The following CPEB3 variants were observed in gnomAD, a reference collection of about 807,000 sequenced individuals.
CPEB3 encodes cytoplasmic polyadenylation element binding protein 3, also known as cytoplasmic polyadenylation element-binding protein 3.
A neutral mutation model predicts 67.2 loss-of-function variants in CPEB3; 20 were observed. The ratio of observed to expected loss-of-function variants is 0.30; its 90% confidence interval spans 0.21 to 0.43. The LOEUF (loss-of-function observed/expected upper bound fraction) is 0.43. CPEB3 is among the 20% of genes least tolerant of loss of function. The pLI is 1.00. For missense variants in CPEB3, 746 were observed against 968.6 expected (o/e 0.77, Z 3.05); for synonymous variants, 376 against 393.1 (o/e 0.96, Z 0.51).
chr10:92,185,369 G>C (rs769947550), intron 3 of CPEB3, among the ~76,000 whole-genome samples: 9 of 152,142 alleles, frequency 5.9e-5, no homozygotes, highest in South Asian at 2.1e-4. Flanking sequence ...ATAGGGGTGA[G>C]AGGGGATGAA....
Position 92,266,020 on chromosome 10 carries a change from G to C in CPEB3, c.-12+24906C>G, listed in dbSNP as rs1456188141. 2.0e-5 allele frequency among the ~76,000 whole-genome samples: 3 copies of C among 152,030 alleles called. No individual in the cohort carries two copies. The East Asian group carries it at 5.8e-4, about 29-fold the overall frequency. ...GGTGGGACTGTTAGCTTTACAAGAA[G>C]AGGAAGAGAAACCTGAGCTTAGTGC... On this transcript the variant is annotated intron_variant, in intron 1 of 9. Transcript: ENST00000265997.
intron 9 of CPEB3, 21 bp downstream of exon 9, chr10:92,081,299 T>A (rs1843144034): frequency 1.2e-6 from 2 of 1,613,938 alleles, no homozygotes; most frequent in Admixed American, 1.7e-5. Context: ...CATAGCAGTT[T>A]CACCCTAAGT....
At chr10:92,135,297 A>T (rs1480588933) in intron 6 of CPEB3, among the ~76,000 whole-genome samples, 6 of 152,182 alleles carry the variant, frequency 3.9e-5, no homozygotes, top group Admixed American at 3.9e-4. Flanking sequence ...GAATCTACAA[A>T]GAACTTAAAC....
At chr10:92,096,341 G>C (rs528636369) in intron 7 of CPEB3, among the ~76,000 whole-genome samples, 2 of 152,218 alleles carry the variant, frequency 1.3e-5, no homozygotes, top group South Asian at 2.1e-4. Context: ...TTTTATGTAA[G>C]GGACTTGAGC....
At chr10:92,075,819 G>C (rs774371053) in intron 9 of CPEB3, among the ~76,000 whole-genome samples, 8 of 152,142 alleles carry the variant, frequency 5.3e-5, no homozygotes, top group Non-Finnish European at 8.8e-5. Flanking sequence ...CTTCGCCAAA[G>C]ATCAACAACA....
chr10:92,239,339 GTAT>G lies in CPEB3; in HGVS notation c.1005+4_1005+6del, dbSNP rs1851695307. The stretch of plus-strand genomic sequence containing the variant: ...GGAAGGAGTGTGTAGGTGCAGCAGA[GTAT>G]TACCTGAAATGGCAACAGATTGTTA... On this transcript the variant is annotated splice_donor_5th_base_variant and intron_variant, in intron 2 of 9. Transcript: ENST00000265997. This position sits in a 1 kb window ranked among gnomAD's most constrained non-coding sequence, Gnocchi z 6.0. 6.2e-7 allele frequency: 1 copy of G among 1,601,974 alleles called. No homozygotes were observed. The highest frequency in any genetic ancestry group is 2.2e-5 in the East Asian group (1 of 44,652).
intron 2 of CPEB3, among the ~76,000 whole-genome samples, chr10:92,224,845 C>A (rs1850883097): frequency 6.8e-6 from 1 of 146,428 alleles, no homozygotes; most frequent in Non-Finnish European, 1.5e-5. Flanking sequence ...GACCACCTGA[C>A]TTCTTAAAAA....
chr10:92,076,238 G>T (rs1842928233), intron 9 of CPEB3: 1 of 152,126 alleles, frequency 6.6e-6, no homozygotes, highest in African/African-American at 2.4e-5. Flanking sequence ...AATAGTCAAG[G>T]TATTGGTTTA....
At chr10:92,052,680 C>T (rs1399862581) in intron 9 of CPEB3, among the ~76,000 whole-genome samples, 2 of 152,208 alleles carry the variant, frequency 1.3e-5, no homozygotes, top group African/African-American at 4.8e-5. Context: ...ATCACTGTAT[C>T]TGTAAAATGG....
intron 7 of CPEB3, among the ~76,000 whole-genome samples, chr10:92,110,719 T>C (rs1249942293): frequency 6.6e-6 from 1 of 152,196 alleles, no homozygotes; most frequent in Admixed American, 6.5e-5. Context: ...ATGACCTTTT[T>C]CAAAAATAAA....
intron 2 of CPEB3, among the ~76,000 whole-genome samples, chr10:92,199,029 T>G (rs1288535834): frequency 1.3e-5 from 2 of 152,248 alleles, no homozygotes; most frequent in Non-Finnish European, 2.9e-5. Context: ...AAGAGTTTTC[T>G]ATTTATCACA....
intron 6 of CPEB3, among the ~76,000 whole-genome samples, chr10:92,130,634 G>A (rs895129912): frequency 2.7e-5 from 4 of 148,766 alleles, no homozygotes; most frequent in African/African-American, 9.9e-5. Flanking sequence ...CTGGCCACCT[G>A]GCCATTCTTT....
At chr10:92,063,722 C>A (rs1037085195) in intron 9 of CPEB3, among the ~76,000 whole-genome samples, 2 of 151,840 alleles carry the variant, frequency 1.3e-5, no homozygotes, top group African/African-American at 4.8e-5. Context: ...CAAGATCACA[C>A]CACTGCACTC....
chr10:92,122,627 ACT>A (rs1845441793), intron 6 of CPEB3, among the ~76,000 whole-genome samples: 1 of 152,184 alleles, frequency 6.6e-6, no homozygotes. Flanking sequence ...TTCACAGAGA[ACT>A]CTGACTTAGG....
chr10:92,203,426 AC>A (rs1391652199), intron 2 of CPEB3, among the ~76,000 whole-genome samples: 2 of 142,748 alleles, frequency 1.4e-5, no homozygotes, highest in Non-Finnish European at 3.0e-5. Context: ...GTATATATAT[AC>A]GTATATATGT....
At chr10:92,164,249 C>T (rs1847633248) in intron 4 of CPEB3, among the ~76,000 whole-genome samples, 1 of 152,184 alleles carries the variant, frequency 6.6e-6, no homozygotes, top group Admixed American at 6.5e-5. Flanking sequence ...AGCTACTAAG[C>T]AGCAGAGCTG....
chr10:92,218,749 A>T (rs1850555154), intron 2 of CPEB3, among the ~76,000 whole-genome samples: 1 of 152,132 alleles, frequency 6.6e-6, no homozygotes, highest in African/African-American at 2.4e-5. Context: ...GCTCTATAGC[A>T]TGAAGAGATG....
intron 1 of CPEB3, among the ~76,000 whole-genome samples, chr10:92,266,204 C>G (rs1740499739): frequency 6.6e-6 from 1 of 152,160 alleles, no homozygotes; most frequent in Non-Finnish European, 1.5e-5. Context: ...TACCCACTTT[C>G]CAATATTCTG....
At chr10:92,251,771 G>T (rs954075514) in intron 1 of CPEB3, among the ~76,000 whole-genome samples, 10 of 151,802 alleles carry the variant, frequency 6.6e-5, no homozygotes, top group Admixed American at 5.9e-4. Flanking sequence ...TCCTGGAAGG[G>T]GACACCAACA....
Sources: gnomAD v4.1 joint callset for allele counts (sites outside exome capture counted in the v4.1 genomes callset) on GRCh38, gnomAD v4.1.1 for gene constraint, Gnocchi (gnomAD v3.1) non-coding constraint, MANE v1.5 for transcripts, NCBI Gene and HGNC (gene_info 2026-07-23, HGNC 2026-07-21) for gene names.